NCAM1: variants seen among roughly 807,000 people sequenced by gnomAD.
NCAM1 encodes the protein antigen recognized by monoclonal antibody 5.1H11.
Under a neutral mutation model 109.8 loss-of-function variants are expected in NCAM1, and 14 were observed. The observed-to-expected ratio is 0.13, with a 90% CI of 0.08 to 0.20. The LOEUF (loss-of-function observed/expected upper bound fraction) is 0.20, where lower values mean the gene tolerates loss of function less well. NCAM1 is among the 10% of genes least tolerant of loss of function. NCAM1 has a pLI of 1.00. For missense variants in NCAM1, 774 were observed against 1,109.9 expected, an observed-to-expected ratio of 0.70 and a Z score of 4.30; for synonymous variants, 418 against 442.9, an observed-to-expected ratio of 0.94 and a Z score of 0.70.
intron 15 of NCAM1, among the ~76,000 whole-genome samples, chr11:113,255,075 C>T (rs1022919409): frequency 6.6e-6 from 1 of 152,150 alleles, no homozygotes; most frequent in Admixed American, 6.6e-5. Flanking sequence ...CAAGAAACAA[C>T]TGTTTTTCTG....
chr11:113,046,266 G>A (rs782398781), intron 1 of NCAM1, among the ~76,000 whole-genome samples: 3 of 152,190 alleles, frequency 2.0e-5, no homozygotes, highest in Non-Finnish European at 4.4e-5. Flanking sequence ...TGAAACAAAC[G>A]GAAAAGCAGA....
intron 1 of NCAM1, among the ~76,000 whole-genome samples, chr11:113,192,431 CT>C (rs1943709584): frequency 1.3e-5 from 2 of 151,948 alleles, no homozygotes; most frequent in Non-Finnish European, 2.9e-5. Flanking sequence ...GAAAGGTGGC[CT>C]GAAAAGGGAG....
At chr11:113,026,868 C>T (rs1262653306) in intron 1 of NCAM1, among the ~76,000 whole-genome samples, 7 of 152,198 alleles carry the variant, frequency 4.6e-5, no homozygotes, top group Admixed American at 4.6e-4. Context: ...GAGTAGGCAA[C>T]TTACCTCATG....
intron 1 of NCAM1, among the ~76,000 whole-genome samples, chr11:112,990,442 C>A (rs1281048948): frequency 2.6e-5 from 4 of 152,156 alleles, no homozygotes; most frequent in Non-Finnish European, 5.9e-5. Flanking sequence ...TTACCTCTGA[C>A]CACCGTTGAG....
At chr11:113,045,134 A>G (rs1431320658) in intron 1 of NCAM1, among the ~76,000 whole-genome samples, 1 of 152,226 alleles carries the variant, frequency 6.6e-6, no homozygotes, top group Non-Finnish European at 1.5e-5. Context: ...TTCGTTAAAC[A>G]CATACGAAAT....
chr11:113,070,096 T>C (rs1392053366), intron 1 of NCAM1, among the ~76,000 whole-genome samples: 7 of 151,998 alleles, frequency 4.6e-5, no homozygotes, highest in African/African-American at 1.7e-4. Context: ...TCAGGCTGAA[T>C]TGGAGTGAGC....
intron 1 of NCAM1, among the ~76,000 whole-genome samples, chr11:113,157,218 G>C (rs1267834679): frequency 6.6e-6 from 1 of 151,790 alleles, no homozygotes. Flanking sequence ...ACAGCATGTC[G>C]TTTGCACTGT....
intron 1 of NCAM1, among the ~76,000 whole-genome samples, chr11:112,966,545 G>T (rs1234934404): frequency 6.6e-6 from 1 of 152,210 alleles, no homozygotes. Context: ...GAATACAGAA[G>T]TCAATCTGAA....
At chr11:113,203,506 G>A (rs1482708518) in intron 2 of NCAM1, among the ~76,000 whole-genome samples, 1 of 152,218 alleles carries the variant, frequency 6.6e-6, no homozygotes, top group Non-Finnish European at 1.5e-5. Flanking sequence ...GCAGGGCGCC[G>A]CCACATCCGC....
chr11:113,084,631 C>T (rs1938996262), intron 1 of NCAM1, among the ~76,000 whole-genome samples: 2 of 152,152 alleles, frequency 1.3e-5, no homozygotes, highest in Admixed American at 6.6e-5. Flanking sequence ...GAGTCAGGTC[C>T]TCTGCCTCCT....
At chr11:112,995,010 G>A (rs1257844665) in intron 1 of NCAM1, among the ~76,000 whole-genome samples, 3 of 152,124 alleles carry the variant, frequency 2.0e-5, no homozygotes, top group Non-Finnish European at 4.4e-5. Flanking sequence ...CAATAGGGCT[G>A]TCCTATAGCC....
At position 113,273,703 on chromosome 11, in the gene NCAM1, C is replaced by T. The variant is rs1946342734; in HGVS notation, c.2457-1564C>T. On this transcript the variant is annotated intron_variant, in intron 19 of 19. Coordinates refer to ENST00000316851, the MANE Select transcript of NCAM1 (RefSeq NM_181351.5). The surrounding 1 kb of genome is among the most constrained non-coding windows in gnomAD (Gnocchi z 6.0). ...AGTGGACAAGCCCCTGAGCTTGCTC[C>T]TTCCACTGCAGACAGCTCTGTTTCG... is the stretch of plus-strand genomic sequence containing the variant. The T allele has an allele frequency of 4.4e-6, 2 of 454,902 alleles. No homozygotes were observed. 28.2% of individuals were successfully genotyped at this position (454,902 alleles called of 1,614,324 possible).
At chr11:112,970,217 G>A (rs1950841055) in intron 1 of NCAM1, among the ~76,000 whole-genome samples, 1 of 152,138 alleles carries the variant, frequency 6.6e-6, no homozygotes, top group South Asian at 2.1e-4. Context: ...TGTTTAAGAG[G>A]ATAGTTAACA....
intron 1 of NCAM1, among the ~76,000 whole-genome samples, chr11:113,089,998 C>T (rs1291922252): frequency 6.6e-6 from 1 of 152,136 alleles, no homozygotes. Context: ...GAGTGAAATA[C>T]ATAGATTGAC....
intron 8 of NCAM1, among the ~76,000 whole-genome samples, chr11:113,215,428 G>T (rs980034533): frequency 4.6e-5 from 7 of 152,130 alleles, no homozygotes; most frequent in Non-Finnish European, 1.5e-5. Context: ...TGGAACATTT[G>T]TAATGGATTG....
chr11:113,128,911 GT>G (rs60829291), intron 1 of NCAM1, among the ~76,000 whole-genome samples: 1 of 36,212 alleles, frequency 2.8e-5, no homozygotes, highest in Non-Finnish European at 6.5e-5. Context: ...GTGAGGGTGT[GT>G]GTGTGTGTGT....
At position 113,224,395 on chromosome 11, in the gene NCAM1, G is replaced by A. The variant is rs191268211; in HGVS notation, c.1089+3070G>A. ...CAGCAAGGCTGGGGGAGGGGCGCCC[G>A]CCATTGCTGAGACTTCAGTAGGTAA... is the stretch of plus-strand genomic sequence containing the variant. On this transcript the variant is annotated intron_variant, in intron 9 of 19. Transcript: ENST00000316851. Among the ~76,000 whole-genome samples, 679 of 152,344 alleles carry A rather than the reference G, an allele frequency of 4.5e-3. 2 individuals carry two copies. The highest frequency in any genetic ancestry group is 7.5e-3 in the Non-Finnish European group (507 of 68,036).
At chr11:113,217,513 G>C (rs1383128840) in intron 8 of NCAM1, among the ~76,000 whole-genome samples, 2 of 151,058 alleles carry the variant, frequency 1.3e-5, no homozygotes, top group African/African-American at 4.9e-5. Context: ...CTAAAATTTT[G>C]CTGTGCTCAG....
rs1476295064 is a variant in NCAM1 at position 113,096,913 on chromosome 11, C to CAAG, written c.53-105466_53-105465insAAG. Among the ~76,000 whole-genome samples, 6 of 152,222 alleles carry CAAG rather than the reference C, an allele frequency of 3.9e-5. No homozygotes were observed. The East Asian group carries it at 1.2e-3, about 29-fold the overall frequency. ...TCTACCTGGAGTGTCTTCCAGCTGT[C>CAAG]TCTCCCCTGACAAGTTTGTTACACA... On this transcript the variant is annotated intron_variant, in intron 1 of 19. Coordinates refer to ENST00000316851, the MANE Select transcript of NCAM1 (RefSeq NM_181351.5).
Sources: allele counts gnomAD v4.1 joint callset (sites outside exome capture counted in the v4.1 genomes callset), GRCh38; gene constraint gnomAD v4.1.1; non-coding constraint Gnocchi (gnomAD v3.1); transcripts MANE v1.5; gene names NCBI Gene and HGNC (gene_info 2026-07-23, HGNC 2026-07-21).